The following KLHL1 variants were observed in gnomAD, a reference collection of about 807,000 sequenced individuals.
KLHL1 encodes the protein kelch-like protein 1.
Under a neutral mutation model 77.7 loss-of-function variants are expected in KLHL1, and 47 were observed. The observed-to-expected ratio is 0.60, with a 90% CI of 0.48 to 0.77. The LOEUF (loss-of-function observed/expected upper bound fraction) is 0.77. Ranked by LOEUF, KLHL1 falls within the 30% of genes least tolerant of loss-of-function variation. The pLI is 0.00. For missense variants in KLHL1, 925 were observed against 910.8 expected, an observed-to-expected ratio of 1.02 and a Z score of -0.20; for synonymous variants, 360 against 325.2, an observed-to-expected ratio of 1.11 and a Z score of -1.15.
intron 2 of KLHL1, among the ~76,000 whole-genome samples, chr13:69,962,604 C>A (rs1884099256): frequency 1.3e-5 from 2 of 151,878 alleles, no homozygotes; most frequent in Admixed American, 1.3e-4. Context: ...GTCAGATAAA[C>A]CTCTTTAATT....
intron 1 of KLHL1, among the ~76,000 whole-genome samples, chr13:70,021,236 C>T (rs1315338083): frequency 6.6e-6 from 1 of 151,976 alleles, no homozygotes. Context: ...CATAGTTTTG[C>T]CTTTTCCAGA....
intron 4 of KLHL1, among the ~76,000 whole-genome samples, chr13:69,890,659 C>T (rs1163183126): frequency 6.6e-6 from 1 of 151,844 alleles, no homozygotes. Context: ...CACACACACA[C>T]ACACACAGAT....
intron 8 of KLHL1, among the ~76,000 whole-genome samples, chr13:69,723,466 C>CA (rs1329344474): frequency 6.6e-6 from 1 of 151,764 alleles, no homozygotes; most frequent in Non-Finnish European, 1.5e-5. Context: ...GTGTCAATAA[C>CA]AAAAAAAGAA....
chr13:69,711,122 T>G (rs1389383654), intron 9 of KLHL1, among the ~76,000 whole-genome samples: 1 of 152,148 alleles, frequency 6.6e-6, no homozygotes, highest in African/African-American at 2.4e-5. Flanking sequence ...ACTTTAAGGA[T>G]AATAATCGGC....
At chr13:69,830,702 A>G (rs2138094024) in intron 6 of KLHL1, among the ~76,000 whole-genome samples, 1 of 150,156 alleles carries the variant, frequency 6.7e-6, no homozygotes, top group African/African-American at 2.5e-5. Context: ...ACAACCCACA[A>G]AACAAGTCTT....
chr13:70,006,941 A>T (rs531049404), intron 1 of KLHL1, among the ~76,000 whole-genome samples: 42 of 152,150 alleles, frequency 2.8e-4, no homozygotes, highest in African/African-American at 9.6e-4. Context: ...TTTTGTTTTT[A>T]TATCAAAATA....
intron 5 of KLHL1, among the ~76,000 whole-genome samples, chr13:69,854,997 G>T (rs1037193640): frequency 2.6e-5 from 4 of 151,842 alleles, no homozygotes; most frequent in Non-Finnish European, 5.9e-5. Flanking sequence ...ACACTTATTT[G>T]TACTCATAAA....
chr13:70,072,198 A>G (rs1429454777), intron 1 of KLHL1, among the ~76,000 whole-genome samples: 2 of 152,140 alleles, frequency 1.3e-5, no homozygotes, highest in Non-Finnish European at 2.9e-5. Context: ...GGTAACTTAG[A>G]TAAAATGGAC....
chr13:69,867,795 C>T (rs115656900), intron 5 of KLHL1, among the ~76,000 whole-genome samples: 6,462 of 135,824 alleles, frequency 0.048, 243 homozygotes, highest in African/African-American at 0.11. Context: ...AATAATAAAT[C>T]GAACAATGAG....
chr13:70,107,619 A>C lies in KLHL1; in HGVS notation c.81T>G (p.Pro27=). ...CTCCCCCCGCCGGGCCGCCGGTGGA[A>C]GGAGACGGGTGGCTGAAGAGTTTCC... is the stretch of plus-strand genomic sequence containing the variant. The part of the protein sequence containing the change: ...LRWKLFSHPS[P]STGGPAGGGC... Residue 27 remains proline (P), a synonymous_variant, in exon 1 of 11, where the codon CCT becomes CCG. Transcript: ENST00000377844. The C allele has an allele frequency of 6.3e-7, 1 of 1,583,208 alleles. No individual in the cohort carries two copies. The highest frequency in any genetic ancestry group is 8.6e-7 in the Non-Finnish European group (1 of 1,166,316).
At position 69,707,634 on chromosome 13, in the gene KLHL1, C is replaced by T. The variant is rs1875683187; in HGVS notation, c.2178G>A (p.Glu726=). ...TMESYDPQTN[E]WTQMASLNIG... ...CTGATGACAATCTTACCTGTGTCCACTCATTAGTTTGTGGGTCATAGGATT... is the reference window on the plus strand; with the variant it reads ...CTGATGACAATCTTACCTGTGTCCATTCATTAGTTTGTGGGTCATAGGATT... Residue 726 remains glutamate (E), a synonymous_variant, in exon 10 of 11, where the codon GAG becomes GAA. Coordinates refer to ENST00000377844, the MANE Select transcript of KLHL1 (RefSeq NM_020866.3). The T allele has an allele frequency of 6.2e-7, 1 of 1,610,842 alleles. No individual in the cohort carries two copies. The highest frequency in any genetic ancestry group is 1.7e-5 in the Admixed American group (1 of 59,648).
chr13:69,817,906 A>T (rs1387287736), intron 6 of KLHL1, among the ~76,000 whole-genome samples: 1 of 152,210 alleles, frequency 6.6e-6, no homozygotes, highest in African/African-American at 2.4e-5. Flanking sequence ...TACAGAATGT[A>T]CAATGATGAG....
intron 1 of KLHL1, among the ~76,000 whole-genome samples, chr13:70,060,562 A>G (rs1372459907): frequency 6.6e-6 from 1 of 151,690 alleles, no homozygotes; most frequent in Non-Finnish European, 1.5e-5. Context: ...TGGTATATAT[A>G]GGCCAGGTGC....
At chr13:70,087,907 G>T (rs868518344) in intron 1 of KLHL1, among the ~76,000 whole-genome samples, 5 of 152,004 alleles carry the variant, frequency 3.3e-5, no homozygotes, top group Admixed American at 1.3e-4. Flanking sequence ...ACACACACTG[G>T]GGCCTGTTGG....
intron 8 of KLHL1, among the ~76,000 whole-genome samples, chr13:69,729,098 A>G (rs2137910762): frequency 6.6e-6 from 1 of 152,212 alleles, no homozygotes; most frequent in Non-Finnish European, 1.5e-5. Context: ...AAAAATAACC[A>G]CTAATGTCTG....
In KLHL1 at chr13:69,724,557, C is replaced by G. The variant is rs148577475; in HGVS notation, c.1803-4976G>C. Among the ~76,000 whole-genome samples the G allele has an allele frequency of 4.7e-3, 710 of 152,156 alleles. 1 individual carries two copies. Among genetic ancestry groups the G allele is most frequent in the Admixed American group, 0.011 (172 of 15,262 alleles). On this transcript the variant is annotated intron_variant, in intron 8 of 10. Transcript: ENST00000377844. ...ACACCACCAAAAACAAACAAACAAA[C>G]AAAAACTAGAGGCTAACATCCCTAT...
At chr13:70,073,335 A>G (rs973716197) in intron 1 of KLHL1, among the ~76,000 whole-genome samples, 1 of 151,984 alleles carries the variant, frequency 6.6e-6, no homozygotes. Context: ...ACATGTTCTC[A>G]CTCATAGGTG....
At chr13:69,707,541 T>A in intron 10 of KLHL1, 84 bp downstream of exon 10, 1 of 1,302,838 alleles carries the variant, frequency 7.7e-7, no homozygotes, top group South Asian at 1.6e-5. Flanking sequence ...TAGACTAGAT[T>A]ACTGTTTGTA....
chr13:70,033,375 C>T lies in KLHL1; in HGVS notation c.498-57573G>A, dbSNP rs1264611447. On this transcript the variant is annotated intron_variant, in intron 1 of 10. Transcript: ENST00000377844. ...CGCGCTCTCGGCTCACTGTAAGCTC[C>T]GCCTCCCGGGTTCACACCATTCTCC... 1.3e-5 allele frequency among the ~76,000 whole-genome samples: 2 copies of T among 152,096 alleles called. 1 individual carries two copies. The highest frequency in any genetic ancestry group is 4.2e-4 in the South Asian group (2 of 4,816).
Sources: allele counts gnomAD v4.1 joint callset (sites outside exome capture counted in the v4.1 genomes callset), GRCh38; gene constraint gnomAD v4.1.1; transcripts MANE v1.5; gene names NCBI Gene and HGNC (gene_info 2026-07-23, HGNC 2026-07-21).